HDAC9: variants seen among roughly 807,000 people sequenced by gnomAD.
HDAC9 encodes the protein histone deacetylase 9.
In HDAC9, 41 loss-of-function variants were observed where a neutral mutation model predicts 139.4. The observed-to-expected ratio is 0.29, with a 90% CI of 0.23 to 0.38. The LOEUF (loss-of-function observed/expected upper bound fraction) is 0.38. Ranked by LOEUF, HDAC9 falls within the 10% of genes least tolerant of loss-of-function variation. The pLI, the probability that HDAC9 is intolerant of heterozygous loss-of-function variation, is 1.00. For missense variants in HDAC9, 1,147 were observed against 1,297.0 expected, an observed-to-expected ratio of 0.88 and a Z score of 1.78; for synonymous variants, 517 against 476.2, an observed-to-expected ratio of 1.09 and a Z score of -1.12.
At chr7:18,256,362 T>C (rs961492482) in intron 2 of HDAC9, among the ~76,000 whole-genome samples, 3 of 152,046 alleles carry the variant, frequency 2.0e-5, no homozygotes, top group Non-Finnish European at 4.4e-5. Context: ...GGATAGAAAA[T>C]ACAATTCTGT....
intron 13 of HDAC9, among the ~76,000 whole-genome samples, chr7:18,733,128 TATATATACACATGTATACAC>T (rs1467725026): frequency 1.4e-5 from 2 of 144,800 alleles, no homozygotes; most frequent in Admixed American, 1.4e-4. Context: ...TATACATGTA[TATATATACACATGTATACAC>T]ATATATACAC....
intron 17 of HDAC9, among the ~76,000 whole-genome samples, chr7:18,818,626 G>C (rs1794742695): frequency 6.6e-6 from 1 of 152,140 alleles, no homozygotes; most frequent in Non-Finnish European, 1.5e-5. Context: ...TTTAAGTTCT[G>C]GCTCATTGCT....
intron 2 of HDAC9, among the ~76,000 whole-genome samples, chr7:18,550,619 T>C (rs2128659849): frequency 6.6e-6 from 1 of 152,298 alleles, no homozygotes; most frequent in Middle Eastern, 3.4e-3. Flanking sequence ...GTTACAATTT[T>C]CAAACAGGGT....
intron 2 of HDAC9, among the ~76,000 whole-genome samples, chr7:18,233,940 G>A (rs527649225): frequency 2.7e-4 from 41 of 152,036 alleles, no homozygotes; most frequent in African/African-American, 9.9e-4. Context: ...CTTAAGTTTG[G>A]TCTTCATTTT....
intron 1 of HDAC9, among the ~76,000 whole-genome samples, chr7:18,431,964 A>C (rs1790714027): frequency 6.6e-6 from 1 of 152,190 alleles, no homozygotes; most frequent in African/African-American, 2.4e-5. Context: ...TACCTCTTCA[A>C]ACGCATCTTC....
upstream of HDAC9, chr7:18,495,687 C>T: frequency 1.1e-6 from 1 of 946,704 alleles, no homozygotes; most frequent in South Asian, 4.9e-5. Context: ...GTTGTTGATT[C>T]ATATGCAAAT....
At chr7:18,464,903 A>T (rs1255049597) in intron 1 of HDAC9, among the ~76,000 whole-genome samples, 1 of 152,012 alleles carries the variant, frequency 6.6e-6, no homozygotes, top group African/African-American at 2.4e-5. Flanking sequence ...TTCTGAAATC[A>T]CTAAACTTTC....
At chr7:18,445,961 A>G (rs1026908039) in intron 1 of HDAC9, among the ~76,000 whole-genome samples, 10 of 152,236 alleles carry the variant, frequency 6.6e-5, no homozygotes, top group African/African-American at 2.4e-4. Context: ...CTGATGACAT[A>G]GACACTCATT....
chr7:18,322,781 G>A (rs778343499), intron 1 of HDAC9, among the ~76,000 whole-genome samples: 1 of 152,092 alleles, frequency 6.6e-6, no homozygotes, highest in South Asian at 2.1e-4. Flanking sequence ...GTAGGAGAGA[G>A]AAAAATAACA....
At chr7:18,484,867 A>AT (rs371308441) in intron 1 of HDAC9, among the ~76,000 whole-genome samples, 1 of 151,418 alleles carries the variant, frequency 6.6e-6, no homozygotes, top group Non-Finnish European at 1.5e-5. Flanking sequence ...AAAAAAAAAA[A>AT]GGAAAACGTA....
At chr7:18,540,614 ATGT>A (rs1214421531) in intron 2 of HDAC9, among the ~76,000 whole-genome samples, 1 of 152,170 alleles carries the variant, frequency 6.6e-6, no homozygotes, top group African/African-American at 2.4e-5. Flanking sequence ...TTTCAAGATA[ATGT>A]TGGTACTCTA....
chr7:18,814,966 G>A (rs1386581239), intron 17 of HDAC9, among the ~76,000 whole-genome samples: 1 of 151,964 alleles, frequency 6.6e-6, no homozygotes, highest in Non-Finnish European at 1.5e-5. Context: ...AACGAATGAT[G>A]GTGAAAATAT....
At chr7:18,135,793 C>T (rs1785367020) in intron 1 of HDAC9, among the ~76,000 whole-genome samples, 1 of 148,956 alleles carries the variant, frequency 6.7e-6, no homozygotes, top group South Asian at 2.1e-4. Flanking sequence ...AGCAGCATGA[C>T]TTATAGTCCT....
chr7:18,315,533 T>C (rs1454453792), intron 1 of HDAC9, among the ~76,000 whole-genome samples: 6 of 152,214 alleles, frequency 3.9e-5, no homozygotes, highest in Non-Finnish European at 8.8e-5. Flanking sequence ...CCTAAATAGA[T>C]GTCCAATTTG....
At chr7:18,973,717 G>A (rs1196689378) in intron 24 of HDAC9, among the ~76,000 whole-genome samples, 1 of 152,192 alleles carries the variant, frequency 6.6e-6, no homozygotes, top group African/African-American at 2.4e-5. Flanking sequence ...GTTGAGAGAT[G>A]TAGGGTAGGC....
intron 1 of HDAC9, among the ~76,000 whole-genome samples, chr7:18,087,548 A>G (rs1183117991): frequency 6.6e-6 from 1 of 152,134 alleles, no homozygotes; most frequent in East Asian, 1.9e-4. Context: ...CTATGAATGA[A>G]AAGTTTGTAC....
intron 3 of HDAC9, among the ~76,000 whole-genome samples, chr7:18,589,424 C>T (rs891804802): frequency 2.6e-5 from 4 of 152,048 alleles, no homozygotes; most frequent in African/African-American, 9.7e-5. Context: ...ATCCTAGCAA[C>T]TTAAGAGGCT....
intron 22 of HDAC9, among the ~76,000 whole-genome samples, chr7:18,902,836 C>T (rs909728356): frequency 6.6e-6 from 1 of 152,168 alleles, no homozygotes; most frequent in African/African-American, 2.4e-5. Context: ...AAATATGTCT[C>T]TAGTTTACAT....
chr7:18,723,962 G>A (rs1446670501), intron 12 of HDAC9, among the ~76,000 whole-genome samples: 1 of 152,118 alleles, frequency 6.6e-6, no homozygotes, highest in East Asian at 1.9e-4. Context: ...TAAAAGATGA[G>A]TTATATCCAG....
Sources: allele counts gnomAD v4.1 joint callset (sites outside exome capture counted in the v4.1 genomes callset), GRCh38; gene constraint gnomAD v4.1.1; transcripts MANE v1.5; gene names NCBI Gene and HGNC (gene_info 2026-07-23, HGNC 2026-07-21).